The following ARID4B variants were observed in gnomAD, a reference collection of about 807,000 sequenced individuals.
The protein encoded by ARID4B is AT-rich interaction domain 4B.
A neutral mutation model predicts 147.5 loss-of-function variants in ARID4B; 26 were observed. The ratio of observed to expected loss-of-function variants is 0.18; its 90% CI spans 0.13 to 0.24. The LOEUF is 0.24. ARID4B is among the 10% of genes least tolerant of loss of function. The probability of loss-of-function intolerance (pLI) is 1.00; values close to 1 mark genes in which losing one functional copy is unlikely to be tolerated. For synonymous variants in ARID4B, 512 were observed against 507.9 expected (o/e 1.01, Z -0.11); for missense variants, 1,179 against 1,511.5 (o/e 0.78, Z 3.65).
intron 10 of ARID4B, among the ~76,000 whole-genome samples, chr1:235,230,620 G>GAA (rs1208682031): frequency 1.3e-5 from 1 of 78,198 alleles, no homozygotes; most frequent in African/African-American, 6.7e-5. Flanking sequence ...AAAAAAACCA[G>GAA]AAAAAAAAAG....
chr1:235,173,969 GCA>G (rs1558166237), intron 22 of ARID4B, among the ~76,000 whole-genome samples: 3 of 149,986 alleles, frequency 2.0e-5, no homozygotes, highest in Admixed American at 2.0e-4. Flanking sequence ...TGTATCATCT[GCA>G]CCCCTATCCA....
intron 7 of ARID4B, 67 bp from the exon 8 acceptor site, chr1:235,240,518 T>C: frequency 1.4e-6 from 2 of 1,436,140 alleles, no homozygotes; most frequent in Non-Finnish European, 1.9e-6. Flanking sequence ...CAATGATGAA[T>C]ATAGGTATTC....
intron 19 of ARID4B, among the ~76,000 whole-genome samples, chr1:235,192,099 C>T (rs1199942572): frequency 6.6e-6 from 1 of 151,676 alleles, no homozygotes. Flanking sequence ...AAAAAACACC[C>T]TAAAAAAATG....
intron 17 of ARID4B, among the ~76,000 whole-genome samples, chr1:235,202,384 G>C (rs914073885): frequency 4.0e-5 from 6 of 151,264 alleles, no homozygotes; most frequent in African/African-American, 1.5e-4. Context: ...AAAGTACTAA[G>C]GAAAATATTT....
rs540557845 is a variant in ARID4B at position 235,289,835 on chromosome 1, T to C, written c.7-29083A>G. Among the ~76,000 whole-genome samples, 27 of 151,842 alleles carry C rather than the reference T, an allele frequency of 1.8e-4. No homozygotes were observed. In the South Asian group the frequency reaches 5.0e-3, roughly 28 times the overall value. ...GACTCAACACTTGAAAAGATGCTCA[T>C]ACTCATTCATAAATTCGATGTAAAA... is the stretch of plus-strand genomic sequence containing the variant. On this transcript the variant is annotated intron_variant, in intron 2 of 23. Coordinates refer to ENST00000264183, the MANE Select transcript of ARID4B (RefSeq NM_016374.6).
intron 5 of ARID4B, 112 bp downstream of exon 5, chr1:235,255,548 G>T (rs1484045057): frequency 3.2e-6 from 2 of 627,606 alleles, no homozygotes; most frequent in Non-Finnish European, 5.3e-6. Context: ...TCCAGTAACA[G>T]TAATAATATC....
rs1558233436 is a variant in ARID4B at position 235,236,836 on chromosome 1, ATATATATAT to A, written c.586-2353_586-2345del. Among the ~76,000 whole-genome samples the A allele has an allele frequency of 1.1e-3, 27 of 24,794 alleles. 1 individual carries two copies. In the East Asian group the frequency reaches 0.034, roughly 31 times the overall value. 16.3% of individuals were successfully genotyped at this position (24,794 alleles called of 152,430 possible). On this transcript the variant is annotated intron_variant, in intron 8 of 23. Coordinates refer to ENST00000264183, the MANE Select transcript of ARID4B (RefSeq NM_016374.6). ...CCCACAAAACGGTTTTATAAAAAAT[ATATATATAT>A]ATATATATATATATATATTTTTTTT...
At chr1:235,290,411 C>G (rs1240890669) in intron 2 of ARID4B, among the ~76,000 whole-genome samples, 1 of 147,046 alleles carries the variant, frequency 6.8e-6, no homozygotes, top group South Asian at 2.2e-4. Context: ...CCAACCTGGA[C>G]GACAGAATGA....
At chr1:235,179,731 C>A (rs1272605664) in intron 20 of ARID4B, among the ~76,000 whole-genome samples, 2 of 151,210 alleles carry the variant, frequency 1.3e-5, no homozygotes. Flanking sequence ...TAATTTTAAT[C>A]TTTTGTAAGA....
intron 19 of ARID4B, 34 bp from the exon 20 acceptor site, chr1:235,182,827 G>C (rs943305031): frequency 2.8e-5 from 43 of 1,544,950 alleles, no homozygotes; most frequent in Non-Finnish European, 3.6e-5. Context: ...TGATGAGTAT[G>C]ATAAGAACAC....
intron 17 of ARID4B, among the ~76,000 whole-genome samples, chr1:235,201,339 T>C (rs1022657166): frequency 1.3e-5 from 2 of 152,044 alleles, no homozygotes; most frequent in Admixed American, 6.6e-5. Context: ...TCTTTTTTTT[T>C]TTTTCTTCTT....
intron 2 of ARID4B, among the ~76,000 whole-genome samples, chr1:235,304,488 A>T (rs1673408476): frequency 1.3e-5 from 2 of 152,248 alleles, no homozygotes; most frequent in Non-Finnish European, 2.9e-5. Flanking sequence ...TCCTTTAGAA[A>T]ATCATGTTAA....
chr1:235,236,094 A>T (rs921876816), intron 8 of ARID4B, among the ~76,000 whole-genome samples: 1 of 151,910 alleles, frequency 6.6e-6, no homozygotes, highest in African/African-American at 2.4e-5. Flanking sequence ...GACCCAGTTA[A>T]CTGTTTTCTT....
intron 2 of ARID4B, among the ~76,000 whole-genome samples, chr1:235,303,690 T>C (rs547103806): frequency 6.2e-4 from 94 of 152,150 alleles, no homozygotes; most frequent in Non-Finnish European, 1.2e-3. Context: ...GATCATGCCA[T>C]TGCACTGCAG....
At chr1:235,245,728 G>A (rs1669260583) in intron 7 of ARID4B, among the ~76,000 whole-genome samples, 1 of 151,930 alleles carries the variant, frequency 6.6e-6, no homozygotes, top group South Asian at 2.1e-4. Context: ...ATATGATGTT[G>A]ATTATCTAGT....
chr1:235,270,107 C>T (rs1670880077), intron 2 of ARID4B, among the ~76,000 whole-genome samples: 1 of 152,054 alleles, frequency 6.6e-6, no homozygotes, highest in South Asian at 2.1e-4. Context: ...CACGGTGAAA[C>T]CCCGTCTCTA....
intron 5 of ARID4B, among the ~76,000 whole-genome samples, chr1:235,253,382 C>T (rs1419074364): frequency 6.6e-6 from 1 of 152,172 alleles, no homozygotes; most frequent in Non-Finnish European, 1.5e-5. Context: ...AGTAGCACCC[C>T]CTTCCCAGCT....
At chr1:235,296,843 AAGGAGGG>A (rs1672770614) in intron 2 of ARID4B, among the ~76,000 whole-genome samples, 1 of 48,930 alleles carries the variant, frequency 2.0e-5, no homozygotes, top group South Asian at 1.5e-3. Context: ...GGAAGGGAGG[AAGGAGGG>A]AGGGAAGGAA....
In ARID4B at chr1:235,182,347, T is replaced by C. The variant is rs759955105; in HGVS notation, c.2572A>G (p.Ser858Gly). The C allele has an allele frequency of 6.2e-7, 1 of 1,613,172 alleles. No homozygotes were observed. The highest frequency in any genetic ancestry group is 1.1e-5 in the South Asian group (1 of 90,668). The change falls in exon 20 of 24, where the codon AGC (serine) becomes GGC (glycine). Residue 858 changes from serine to glycine, a missense_variant. Coordinates refer to ENST00000264183, the MANE Select transcript of ARID4B (RefSeq NM_016374.6). ...NKESLCMENS[S>G]NSSSDEDEEE... is the part of the protein sequence containing the mutation. ...TCATCTTCATCTGAAGAGCTGTTGC[T>C]ACTGTTTTCCATGCAAAGTGATTCT...
Sources: allele counts gnomAD v4.1 joint callset (sites outside exome capture counted in the v4.1 genomes callset), GRCh38; gene constraint gnomAD v4.1.1; transcripts MANE v1.5; gene names NCBI Gene and HGNC (gene_info 2026-07-23, HGNC 2026-07-21).